The following RICTOR variants were observed in gnomAD, a reference collection of about 807,000 sequenced individuals.
RICTOR encodes the protein RPTOR independent companion of MTOR complex 2.
A neutral mutation model predicts 214.9 loss-of-function variants in RICTOR; 49 were observed. That is an observed-to-expected ratio of 0.23 (90% confidence interval 0.18 to 0.29). The LOEUF is 0.29. Among genes scored for constraint, RICTOR ranks in the 10% least tolerant of loss-of-function variants. The probability of loss-of-function intolerance (pLI) is 1.00; values close to 1 mark genes in which losing one functional copy is unlikely to be tolerated. For synonymous variants in RICTOR, 717 were observed against 711.3 expected (o/e 1.01, Z -0.13); for missense variants, 1,625 against 2,047.0 (o/e 0.79, Z 3.98).
Position 38,950,413 on chromosome 5 carries a change from A to G in RICTOR, c.3435T>C (p.Asp1145=). ...TEPSVDFNHS[D]DFTPISTVQK... ...GTACAGTGGATATGGGTGTAAAATC[A>G]TCACTATGATTAAAATCAACACTGG... is the stretch of plus-strand genomic sequence containing the variant. Residue 1145 remains aspartate, a synonymous_variant, in exon 31 of 38, where the codon GAT becomes GAC. Transcript: ENST00000357387. The G allele has an allele frequency of 6.2e-7, 1 of 1,613,502 alleles. No homozygotes were observed. Among genetic ancestry groups the G allele is most frequent in the Middle Eastern group, 1.7e-4 (1 of 6,058 alleles).
intron 14 of RICTOR, 107 bp from the exon 15 acceptor site, chr5:38,966,828 G>A: frequency 3.2e-6 from 2 of 624,432 alleles, no homozygotes; most frequent in South Asian, 4.1e-5. Context: ...AAGACAAGAG[G>A]CTTGCTCTGT....
At position 38,939,340 on chromosome 5, in the gene RICTOR, A is replaced by T. The variant is rs1561424331; in HGVS notation, c.*2964T>A. 4.3e-6 allele frequency: 1 copy of T among 232,340 alleles called. No homozygotes were observed. Among genetic ancestry groups the T allele is most frequent in the Non-Finnish European group, 8.5e-6 (1 of 117,608 alleles). 14.4% of individuals were successfully genotyped at this position (232,340 alleles called of 1,614,324 possible). On this transcript the variant is annotated 3_prime_UTR_variant, in exon 38 of 38. Transcript: ENST00000357387. The stretch of plus-strand genomic sequence containing the variant: ...TGTCATTTCAAAAGGACTTGTACAC[A>T]TTATGTTAATAATGTATATACTTCC...
chr5:39,074,195 G>A, intron 1 of RICTOR, 37 bp from the exon 2 acceptor site: 1 of 1,587,312 alleles, frequency 6.3e-7, no homozygotes, highest in Middle Eastern at 1.7e-4. Context: ...ATTAGGATTG[G>A]CTCGCAGGCC....
chr5:39,039,513 A>G (rs1172498212), intron 2 of RICTOR, among the ~76,000 whole-genome samples: 1 of 152,238 alleles, frequency 6.6e-6, no homozygotes, highest in Non-Finnish European at 1.5e-5. Flanking sequence ...AGAAACTACC[A>G]TCAGAGTGAA....
chr5:38,949,332 T>C, intron 31 of RICTOR: 1 of 1,485,294 alleles, frequency 6.7e-7, no homozygotes, highest in Non-Finnish European at 9.0e-7. Context: ...AGAGGTCAAC[T>C]TTTGGAGCCT....
chr5:38,985,436 T>C (rs1407545761), intron 7 of RICTOR, among the ~76,000 whole-genome samples: 2 of 152,170 alleles, frequency 1.3e-5, no homozygotes, highest in Non-Finnish European at 2.9e-5. Flanking sequence ...AGGCCAACTG[T>C]ATTTGTTTTC....
intron 2 of RICTOR, among the ~76,000 whole-genome samples, chr5:39,021,762 T>C (rs1731104715): frequency 6.6e-6 from 1 of 152,086 alleles, no homozygotes; most frequent in Admixed American, 6.5e-5. Context: ...TCTCTGTATT[T>C]TATAAATCTC....
At position 38,950,355 on chromosome 5, in the gene RICTOR, C is replaced by T. The variant is rs2112854862; in HGVS notation, c.3493G>A (p.Gly1165Arg). 6.2e-7 allele frequency: 1 copy of T among 1,613,246 alleles called. No homozygotes were observed. Among genetic ancestry groups the T allele is most frequent in the Admixed American group, 1.7e-5 (1 of 59,928 alleles). Residue 1165 changes from glycine (G) to arginine (R), a missense_variant, in exon 31 of 38, where the codon GGG (glycine) becomes AGG (arginine). Transcript: ENST00000357387. ...KTLQLETSFM[G>R]NKHIEDTGST... The stretch of plus-strand genomic sequence containing the variant: ...CCAGTGTCTTCAATGTGCTTATTCC[C>T]CATAAATGAAGTCTCTAATTGTAAT...
intron 3 of RICTOR, among the ~76,000 whole-genome samples, chr5:39,012,611 G>A (rs923886557): frequency 2.6e-5 from 4 of 152,062 alleles, no homozygotes; most frequent in African/African-American, 9.7e-5. Context: ...CGTTACTGTT[G>A]ACATCCTATC....
intron 2 of RICTOR, among the ~76,000 whole-genome samples, chr5:39,028,720 T>C (rs1035638542): frequency 4.6e-5 from 7 of 152,106 alleles, no homozygotes; most frequent in African/African-American, 1.4e-4. Flanking sequence ...TATCTACATA[T>C]TGGAATATTA....
rs1224652811 is a variant in RICTOR at position 38,960,480 on chromosome 5, T to C, written c.1769A>G (p.Asn590Ser). The change falls in exon 20 of 38, where the codon AAC becomes AGC. Residue 590 changes from asparagine to serine, a missense_variant. Coordinates refer to ENST00000357387, the MANE Select transcript of RICTOR (RefSeq NM_152756.5). ...FYKPSSKLYA[N>S]LDLDFAKAKQ... Reference sequence around the variant, plus strand: ...GGCCTTGGCAAAATCCAGATCCAGGTTGGCATATAATTTACTGCTGGGCTT... The same window carrying C: ...GGCCTTGGCAAAATCCAGATCCAGGCTGGCATATAATTTACTGCTGGGCTT... 1.2e-6 allele frequency: 2 copies of C among 1,613,864 alleles called. No individual in the cohort carries two copies. Among genetic ancestry groups the C allele is most frequent in the Non-Finnish European group, 1.7e-6 (2 of 1,179,782 alleles).
intron 25 of RICTOR, among the ~76,000 whole-genome samples, chr5:38,956,904 T>C (rs1024080646): frequency 6.6e-6 from 1 of 152,104 alleles, no homozygotes; most frequent in Non-Finnish European, 1.5e-5. Flanking sequence ...TTAAGGAGTA[T>C]CTCTTATGAA....
At chr5:39,065,236 T>C (rs1758812253) in intron 2 of RICTOR, among the ~76,000 whole-genome samples, 1 of 152,130 alleles carries the variant, frequency 6.6e-6, no homozygotes, top group Non-Finnish European at 1.5e-5. Flanking sequence ...GCATCTCACA[T>C]GGCAGAGCGG....
chr5:39,035,028 C>A (rs1421626161), intron 2 of RICTOR, among the ~76,000 whole-genome samples: 3 of 152,214 alleles, frequency 2.0e-5, no homozygotes, highest in Non-Finnish European at 4.4e-5. Context: ...TCAAGTGGGT[C>A]CCTGACCCCT....
rs368166053 is a variant in RICTOR at position 38,949,709 on chromosome 5, T to C, written c.4136+3A>G. On this transcript the variant is annotated splice_donor_region_variant and intron_variant, in intron 31 of 37. Coordinates refer to ENST00000357387, the MANE Select transcript of RICTOR (RefSeq NM_152756.5). Reference sequence around the variant, plus strand: ...GGTCACTTCTAAACATATATTTGCTTACCTGCTTGGTGTTAATCTGGACTC... The same window carrying C: ...GGTCACTTCTAAACATATATTTGCTCACCTGCTTGGTGTTAATCTGGACTC... 1.9e-6 allele frequency: 3 copies of C among 1,609,340 alleles called. No homozygotes were observed. The African/African-American group carries it at 4.0e-5, about 22-fold the overall frequency.
intron 25 of RICTOR, among the ~76,000 whole-genome samples, chr5:38,957,242 G>A (rs1352506460): frequency 6.6e-6 from 1 of 152,084 alleles, no homozygotes; most frequent in Non-Finnish European, 1.5e-5. Context: ...TTAACTAAAT[G>A]ATTATATCTC....
intron 3 of RICTOR, among the ~76,000 whole-genome samples, chr5:39,015,098 C>T (rs1265796610): frequency 1.3e-5 from 2 of 152,114 alleles, no homozygotes; most frequent in Admixed American, 6.5e-5. Flanking sequence ...AGTAACAGAG[C>T]AACCCACAAT....
chr5:39,034,556 C>T (rs557563693), intron 2 of RICTOR, among the ~76,000 whole-genome samples: 2 of 152,224 alleles, frequency 1.3e-5, no homozygotes, highest in Non-Finnish European at 2.9e-5. Context: ...CAGGGAATTC[C>T]CTTTCCTAGT....
Position 38,944,928 on chromosome 5 carries a change from T to C in RICTOR, c.4774A>G (p.Thr1592Ala). 6.2e-7 allele frequency: 1 copy of C among 1,614,056 alleles called. No individual in the cohort carries two copies. The highest frequency in any genetic ancestry group is 8.5e-7 in the Non-Finnish European group (1 of 1,179,934). The change falls in exon 35 of 38, where the codon ACA becomes GCA. Residue 1592 changes from threonine (T) to alanine (A), a missense_variant. Physicochemically the swap from Thr to Ala is moderately conservative, Grantham distance 58 (BLOSUM62 0). Around this residue, in one of 5 missense-constraint regions of RICTOR, gnomAD observed 1,214 missense variants for 1,470.5 expected, o/e 0.83. Transcript: ENST00000357387. ...GAAGACTCACCTAGTAACAATTCTG[T>C]GCTTTTGGTGCTGCTAGCTGAGCCT... ...QEGSASSTKS[T>A]ELLLGVKTIP...
Sources: gnomAD v4.1 joint callset for allele counts (sites outside exome capture counted in the v4.1 genomes callset) on GRCh38, gnomAD v4.1.1 for gene constraint, gnomAD v4.1.1 regional missense constraint, MANE v1.5 for transcripts, NCBI Gene and HGNC (gene_info 2026-07-23, HGNC 2026-07-21) for gene names.